The following PRKG1 variants were observed in gnomAD, a reference collection of about 807,000 sequenced individuals.
PRKG1 encodes the protein protein kinase cGMP-dependent 1, also known as cGMP-dependent protein kinase 1.
PRKG1 carries 35 observed loss-of-function variants against 88.1 expected under a neutral mutation model. The ratio of observed to expected loss-of-function variants is 0.40; its 90% CI spans 0.30 to 0.53. PRKG1 has a LOEUF of 0.53. Among genes scored for constraint, PRKG1 ranks in the 20% least tolerant of loss-of-function variants. The pLI is 0.59. For missense variants in PRKG1, 540 were observed against 839.8 expected (o/e 0.64, Z 4.41); for synonymous variants, 303 against 292.5 (o/e 1.04, Z -0.37).
chr10:52,196,764 A>T (rs1839516681), intron 9 of PRKG1, among the ~76,000 whole-genome samples: 1 of 152,128 alleles, frequency 6.6e-6, no homozygotes, highest in African/African-American at 2.4e-5. Flanking sequence ...TATAAATAAA[A>T]CTTCCCTGGG....
chr10:51,838,610 C>G (rs1186974855), intron 4 of PRKG1, among the ~76,000 whole-genome samples: 1 of 152,074 alleles, frequency 6.6e-6, no homozygotes, highest in East Asian at 1.9e-4. Context: ...CAGACTAACT[C>G]CCTGGGGCTG....
chr10:52,271,314 TG>T (rs1291545657), intron 10 of PRKG1, 35 bp from the exon 11 acceptor site: 3 of 1,601,802 alleles, frequency 1.9e-6, no homozygotes, highest in Non-Finnish European at 2.6e-6. Flanking sequence ...TACAAGTCTA[TG>T]GGCTTTTTCT....
intron 7 of PRKG1, among the ~76,000 whole-genome samples, chr10:52,119,706 G>T (rs1847770069): frequency 6.6e-6 from 1 of 152,188 alleles, no homozygotes; most frequent in Admixed American, 6.5e-5. Context: ...AACCTGTCTT[G>T]TCCTGTCTTG....
rs1443798264 is a variant in PRKG1 at position 51,734,946 on chromosome 10, A to G, written c.593-69639A>G. Among the ~76,000 whole-genome samples, 7 of 152,336 alleles carry G rather than the reference A, an allele frequency of 4.6e-5. No homozygotes were observed. The East Asian group carries it at 1.2e-3, about 25-fold the overall frequency. On this transcript the variant is annotated intron_variant, in intron 3 of 17. Coordinates refer to ENST00000373980, the MANE Select transcript of PRKG1 (RefSeq NM_006258.4). The stretch of plus-strand genomic sequence containing the variant: ...TATATGCTCAGGGGTTAAGTGAAGG[A>G]TTCTGCAGGAAAGTACCGGTCATTC...
chr10:52,077,640 C>T (rs1438617729), intron 7 of PRKG1, among the ~76,000 whole-genome samples: 1 of 152,096 alleles, frequency 6.6e-6, no homozygotes, highest in Non-Finnish European at 1.5e-5. Context: ...CGTTTTAAAA[C>T]TCACTAGACA....
At chr10:51,602,773 TGTG>T (rs1838648051) in intron 3 of PRKG1, among the ~76,000 whole-genome samples, 1 of 131,070 alleles carries the variant, frequency 7.6e-6, no homozygotes, top group Non-Finnish European at 1.5e-5. Context: ...TGTGTGTGTG[TGTG>T]TGTGTATATA....
intron 2 of PRKG1, among the ~76,000 whole-genome samples, chr10:51,455,184 C>T (rs1307523658): frequency 6.6e-6 from 1 of 152,248 alleles, no homozygotes. Context: ...ACCTTGGCCT[C>T]TTTAGCCATG....
At chr10:51,750,692 C>A (rs1837701611) in intron 3 of PRKG1, among the ~76,000 whole-genome samples, 1 of 152,184 alleles carries the variant, frequency 6.6e-6, no homozygotes, top group Non-Finnish European at 1.5e-5. Context: ...AGGCTTTGCA[C>A]TGAATGGCAC....
At chr10:51,074,457 T>C (rs1843892307), upstream of PRKG1, 2 of 1,458,960 alleles carry the variant, frequency 1.4e-6, no homozygotes, top group South Asian at 1.5e-5. Context: ...AAGCCAGGGC[T>C]GGCTTTGGTC....
intron 2 of PRKG1, among the ~76,000 whole-genome samples, chr10:51,455,085 C>T (rs1839546402): frequency 1.3e-5 from 2 of 152,216 alleles, no homozygotes; most frequent in Admixed American, 1.3e-4. Context: ...AACCTCAATC[C>T]TTGACTTCTG....
chr10:52,272,414 A>T lies in PRKG1; in HGVS notation c.1336A>T (p.Ser446Cys). The T allele has an allele frequency of 6.2e-7, 1 of 1,609,278 alleles. No individual in the cohort carries two copies. Among genetic ancestry groups the T allele is most frequent in the Non-Finnish European group, 8.5e-7 (1 of 1,176,380 alleles). The stretch of plus-strand genomic sequence containing the variant: ...CAGACTGTACAGAACATTTAAGGAC[A>T]GCAAATATTTGTATATGTTGATGGA... ...IVRLYRTFKD[S>C]KYLYMLMEAC... Residue 446 changes from serine (S) to cysteine (C), a missense_variant, in exon 12 of 18, where the codon AGC (serine) becomes TGC (cysteine). This residue lies in a region of PRKG1 where 400 missense variants were observed against 562.7 expected (regional missense o/e 0.71). Coordinates refer to ENST00000373980, the MANE Select transcript of PRKG1 (RefSeq NM_006258.4).
At chr10:51,159,845 A>C (rs975961338) in intron 2 of PRKG1, among the ~76,000 whole-genome samples, 4 of 152,194 alleles carry the variant, frequency 2.6e-5, no homozygotes, top group African/African-American at 9.7e-5. Context: ...ATTCTGCATA[A>C]ATCTAGATGG....
intron 1 of PRKG1, among the ~76,000 whole-genome samples, chr10:51,084,533 C>T (rs10822190): frequency 0.47 from 71,960 of 152,058 alleles, 19,279 homozygotes; most frequent in South Asian, 0.66. Context: ...TTCAGATTTG[C>T]TTTAAGATAG....
chr10:51,746,530 T>A (rs1189967945), intron 3 of PRKG1, among the ~76,000 whole-genome samples: 6 of 151,980 alleles, frequency 3.9e-5, no homozygotes, highest in Non-Finnish European at 7.4e-5. Context: ...GAGACCAGCC[T>A]GGCCAGTGTG....
At chr10:52,256,596 A>G (rs146205696) in intron 10 of PRKG1, among the ~76,000 whole-genome samples, 1 of 139,958 alleles carries the variant, frequency 7.1e-6, no homozygotes, top group African/African-American at 2.5e-5. Flanking sequence ...TAGGTCAGTA[A>G]ATGGTGTTAA....
At chr10:51,588,921 G>T (rs1478431523) in intron 3 of PRKG1, among the ~76,000 whole-genome samples, 1 of 151,818 alleles carries the variant, frequency 6.6e-6, no homozygotes, top group Non-Finnish European at 1.5e-5. Flanking sequence ...ATGATTCTAT[G>T]AATATTTTAA....
chr10:51,253,711 T>C (rs1839483173), intron 2 of PRKG1, among the ~76,000 whole-genome samples: 1 of 151,904 alleles, frequency 6.6e-6, no homozygotes, highest in Non-Finnish European at 1.5e-5. Flanking sequence ...GACTTAGTAT[T>C]TTATCAGCGA....
chr10:51,958,841 G>T (rs1009371943), intron 5 of PRKG1, among the ~76,000 whole-genome samples: 2 of 152,058 alleles, frequency 1.3e-5, no homozygotes, highest in Non-Finnish European at 2.9e-5. Flanking sequence ...AGGACATAAA[G>T]TCAAACAATG....
At chr10:51,988,173 C>G (rs367809828) in intron 5 of PRKG1, among the ~76,000 whole-genome samples, 1 of 151,918 alleles carries the variant, frequency 6.6e-6, no homozygotes, top group Non-Finnish European at 1.5e-5. Context: ...TAAAACAATG[C>G]ATAATATTGT....
Sources: gnomAD v4.1 joint callset for allele counts (sites outside exome capture counted in the v4.1 genomes callset) on GRCh38, gnomAD v4.1.1 for gene constraint, gnomAD v4.1.1 regional missense constraint, MANE v1.5 for transcripts, NCBI Gene and HGNC (gene_info 2026-07-23, HGNC 2026-07-21) for gene names.